Variants in PXK observed in about 807,000 individuals in gnomAD.
PXK encodes PX domain-containing protein kinase-like protein.
In PXK, 35 loss-of-function variants were observed where a neutral mutation model predicts 84.7. The observed-to-expected ratio is 0.41, with a 90% CI of 0.32 to 0.55. PXK has a LOEUF of 0.55. PXK is among the 20% of genes least tolerant of loss of function. PXK has a pLI of 0.21. For synonymous variants in PXK, 253 were observed against 260.8 expected, an observed-to-expected ratio of 0.97 and a Z score of 0.29; for missense variants, 634 against 699.7, an observed-to-expected ratio of 0.91 and a Z score of 1.06.
At chr3:58,362,894 A>G (rs1166421722) in intron 1 of PXK, among the ~76,000 whole-genome samples, 1 of 151,932 alleles carries the variant, frequency 6.6e-6, no homozygotes, top group Non-Finnish European at 1.5e-5. Context: ...ATTTTTTTAT[A>G]TTTTGTAGAG....
rs1560157415 is a variant in PXK at position 58,421,797 on chromosome 3, T to C, written c.1529-2955T>C. ...AGTAAGTAGTTGGCTCTCAGGGATT[T>C]TGTCTAAGAGAAAGTGAGATGGGAG... On this transcript the variant is annotated intron_variant, in intron 17 of 17. Transcript: ENST00000356151. This position sits in a 1 kb window ranked among gnomAD's most constrained non-coding sequence, Gnocchi z 5.5. The C allele has an allele frequency of 1.0e-6, 1 of 985,260 alleles. No individual in the cohort carries two copies. The highest frequency in any genetic ancestry group is 1.7e-5 in the African/African-American group (1 of 57,204). 61.0% of individuals were successfully genotyped at this position (985,260 alleles called of 1,614,324 possible). A position where few individuals can be genotyped will look rare whatever the true frequency, so the allele number is the denominator to read the frequency against.
intron 4 of PXK, among the ~76,000 whole-genome samples, chr3:58,382,904 G>A (rs2098517518): frequency 6.6e-6 from 1 of 152,206 alleles, no homozygotes; most frequent in African/African-American, 2.4e-5. Flanking sequence ...CAAAATATTT[G>A]TAAAGTCTGC....
chr3:58,422,893 C>T (rs886903364), intron 17 of PXK: 62 of 985,266 alleles, frequency 6.3e-5, no homozygotes, highest in Non-Finnish European at 7.1e-5. Flanking sequence ...ATTCTTCTGC[C>T]GGGGGTCAAA....
chr3:58,409,211 C>T lies in PXK; in HGVS notation c.1308+210C>T, dbSNP rs1158069458. 6.6e-6 allele frequency among the ~76,000 whole-genome samples: 1 copy of T among 152,172 alleles called. No individual in the cohort carries two copies. Among genetic ancestry groups the T allele is most frequent in the Non-Finnish European group, 1.5e-5 (1 of 68,034 alleles). On this transcript the variant is annotated intron_variant, in intron 14 of 17. Transcript: ENST00000356151. This position sits in a 1 kb window ranked among gnomAD's most constrained non-coding sequence, Gnocchi z 4.2. ...AGTCTATGTGGGAAACAAACATGTC[C>T]AGGAAGGGCAGTCTGGGTTTCTGAT...
rs180885276 is a variant in PXK, at chr3:58,384,672, C to T, written c.388+1972C>T. Among the ~76,000 whole-genome samples the T allele has an allele frequency of 1.5e-3, 222 of 152,242 alleles. 1 individual carries two copies. The highest frequency in any genetic ancestry group is 2.9e-3 in the Admixed American group (44 of 15,296). ...TTGTCAAATCAGCCCTAACCCAGGC[C>T]CACTCAGTGGTTTATCTCCCTCATT... On this transcript the variant is annotated intron_variant, in intron 4 of 17. Transcript: ENST00000356151.
Position 58,377,533 on chromosome 3 carries a change from G to A in PXK, c.202-4981G>A, listed in dbSNP as rs184662135. ...AATAAACTCACAGTCCCAGCTACTC[G>A]AGAGGCAGGCTGAGGTGGGAGGATT... On this transcript the variant is annotated intron_variant, in intron 3 of 17. Transcript: ENST00000356151. Among the ~76,000 whole-genome samples, 765 of 151,488 alleles carry A rather than the reference G, an allele frequency of 5.0e-3. 5 individuals carry two copies. The highest frequency in any genetic ancestry group is 6.5e-3 in the Non-Finnish European group (444 of 67,918).
chr3:58,401,189 C>T lies in PXK; in HGVS notation c.1181+1812C>T, dbSNP rs1403956481. Among the ~76,000 whole-genome samples, 1 of 152,132 alleles carries T rather than the reference C, an allele frequency of 6.6e-6. No individual in the cohort carries two copies. Among genetic ancestry groups the T allele is most frequent in the Admixed American group, 6.6e-5 (1 of 15,266 alleles). On this transcript the variant is annotated intron_variant, in intron 12 of 17. Transcript: ENST00000356151. This position sits in a 1 kb window ranked among gnomAD's most constrained non-coding sequence, Gnocchi z 4.4. ...AGAAGAGCTCCTGGACAGGCGTAAA[C>T]CATGTTCAATTAAAATGTGTCCTCT...
At position 58,397,762 on chromosome 3, in the gene PXK, G is replaced by T; in HGVS notation, c.1102+40G>T. On this transcript the variant is annotated intron_variant, in intron 11 of 17. Transcript: ENST00000356151. This position sits in a 1 kb window ranked among gnomAD's most constrained non-coding sequence, Gnocchi z 4.7. ...GGGAAGGGTCTTCTGGGCCCTAGTA[G>T]TGTGCAGAGCCACTCATCCCCTTTC... 1 of 1,502,496 alleles carries T rather than the reference G, an allele frequency of 6.7e-7. No individual in the cohort carries two copies. The highest frequency in any genetic ancestry group is 9.3e-7 in the Non-Finnish European group (1 of 1,079,838). The allele number at this position is 1,502,496 out of a possible 1,614,324, so 93.1% of individuals were successfully genotyped here.
At chr3:58,423,627 G>A (rs1158044655) in intron 17 of PXK, 5 of 1,444,622 alleles carry the variant, frequency 3.5e-6, no homozygotes, top group East Asian at 2.5e-5. Context: ...AGCTTTACCT[G>A]TTACTTATCA....
intron 17 of PXK, chr3:58,423,166 C>A: frequency 1.0e-6 from 1 of 985,188 alleles, no homozygotes; most frequent in Non-Finnish European, 1.2e-6. Flanking sequence ...TCCAGAAGTC[C>A]TCTTCAGAGG....
Position 58,398,687 on chromosome 3 carries a change from A to C in PXK, c.1103-612A>C, listed in dbSNP as rs2058103912. ...CCCACAGCTGGAGCAGAGAGAGGGG[A>C]GGGCAGGGTGGCTCTTGGACCCCTG... On this transcript the variant is annotated intron_variant, in intron 11 of 17. Coordinates refer to ENST00000356151, the MANE Select transcript of PXK (RefSeq NM_017771.5). The surrounding 1 kb of genome is among the most constrained non-coding windows in gnomAD (Gnocchi z 4.5). Among the ~76,000 whole-genome samples, 1 of 152,146 alleles carries C rather than the reference A, an allele frequency of 6.6e-6. No individual in the cohort carries two copies. The highest frequency in any genetic ancestry group is 1.5e-5 in the Non-Finnish European group (1 of 68,018).
chr3:58,420,669 G>A, intron 17 of PXK: 1 of 1,519,348 alleles, frequency 6.6e-7, no homozygotes, highest in Non-Finnish European at 8.8e-7. Context: ...ATGAACAAGT[G>A]GGAAAGCAGA....
chr3:58,356,029 G>C (rs1174631346), intron 1 of PXK, among the ~76,000 whole-genome samples: 2 of 152,208 alleles, frequency 1.3e-5, no homozygotes, highest in African/African-American at 2.4e-5. Flanking sequence ...TATTGGGTTA[G>C]GGGCTTAGCA....
In PXK at chr3:58,409,134, A is replaced by G. The variant is rs992490561; in HGVS notation, c.1308+133A>G. On this transcript the variant is annotated intron_variant, in intron 14 of 17. Coordinates refer to ENST00000356151, the MANE Select transcript of PXK (RefSeq NM_017771.5). The surrounding 1 kb of genome is among the most constrained non-coding windows in gnomAD (Gnocchi z 4.2). ...TTACTCTCAGCCAGCCTTTAGGCTA[A>G]ATGCTTCCCTGCAGAGCTGAATACT... 1 of 685,868 alleles carries G rather than the reference A, an allele frequency of 1.5e-6. No homozygotes were observed. Among genetic ancestry groups the G allele is most frequent in the Non-Finnish European group, 2.5e-6 (1 of 403,168 alleles). 42.5% of individuals were successfully genotyped at this position (685,868 alleles called of 1,614,324 possible).
At chr3:58,418,156 G>A (rs1351429962) in intron 17 of PXK, among the ~76,000 whole-genome samples, 1 of 152,140 alleles carries the variant, frequency 6.6e-6, no homozygotes. Flanking sequence ...AGTATTTTGG[G>A]AAAGCTGAGT....
intron 3 of PXK, among the ~76,000 whole-genome samples, chr3:58,374,996 C>T (rs1041729103): frequency 1.3e-5 from 2 of 151,936 alleles, no homozygotes; most frequent in African/African-American, 4.8e-5. Flanking sequence ...TTTCACCTGA[C>T]GGTTTGAAAG....
intron 3 of PXK, among the ~76,000 whole-genome samples, chr3:58,378,043 C>G (rs991121242): frequency 3.3e-5 from 5 of 152,158 alleles, no homozygotes; most frequent in Non-Finnish European, 7.3e-5. Context: ...TATGCCTGCC[C>G]TCCTCCCTCT....
chr3:58,389,125 A>AG (rs2098597100), intron 4 of PXK, among the ~76,000 whole-genome samples: 1 of 152,156 alleles, frequency 6.6e-6, no homozygotes, highest in East Asian at 1.9e-4. Context: ...TCTTCTTAAA[A>AG]GGGGGAAACA....
At chr3:58,358,895 A>G (rs1463265962) in intron 1 of PXK, among the ~76,000 whole-genome samples, 1 of 152,208 alleles carries the variant, frequency 6.6e-6, no homozygotes, top group Non-Finnish European at 1.5e-5. Context: ...CCATATGCCA[A>G]ATGCTTTCCC....
Sources: gnomAD v4.1 joint callset for allele counts (sites outside exome capture counted in the v4.1 genomes callset) on GRCh38, gnomAD v4.1.1 for gene constraint, Gnocchi (gnomAD v3.1) non-coding constraint, MANE v1.5 for transcripts, NCBI Gene and HGNC (gene_info 2026-07-23, HGNC 2026-07-21) for gene names.